The following CCNE2 variants were observed in gnomAD, a reference collection of about 807,000 sequenced individuals.
The protein encoded by CCNE2 is cyclin E2, also known as G1/S-specific cyclin-E2.
A neutral mutation model predicts 56.8 loss-of-function variants in CCNE2; 18 were observed. That is an observed-to-expected ratio of 0.32 (90% CI 0.22 to 0.47). The LOEUF (loss-of-function observed/expected upper bound fraction) is 0.47. Ranked by LOEUF, CCNE2 falls within the 20% of genes least tolerant of loss-of-function variation. The pLI is 1.00. For missense variants in CCNE2, 371 were observed against 467.1 expected, an observed-to-expected ratio of 0.79 and a Z score of 1.90; for synonymous variants, 139 against 149.2, an observed-to-expected ratio of 0.93 and a Z score of 0.50.
chr8:94,887,369 G>C (rs527665027), intron 7 of CCNE2, among the ~76,000 whole-genome samples: 1 of 152,236 alleles, frequency 6.6e-6, no homozygotes, highest in Admixed American at 6.5e-5. Context: ...GCTGGGCGTG[G>C]TGGCAAGCAC....
intron 1 of CCNE2, 135 bp from the exon 2 acceptor site, chr8:94,894,382 C>G: frequency 1.3e-6 from 1 of 760,258 alleles, no homozygotes; most frequent in Admixed American, 2.3e-5. Flanking sequence ...CTGCCATCTT[C>G]TGTGCTATGT....
intron 7 of CCNE2, among the ~76,000 whole-genome samples, chr8:94,887,549 A>G (rs1437850136): frequency 6.6e-6 from 1 of 152,196 alleles, no homozygotes; most frequent in Non-Finnish European, 1.5e-5. Context: ...ATTCTAACCC[A>G]ACACAGTATG....
chr8:94,885,117 T>G lies in CCNE2; in HGVS notation c.781A>C (p.Lys261Gln), dbSNP rs765474635. Residue 261 changes from lysine (K) to glutamine (Q), a missense_variant, in exon 9 of 12, where the codon AAA becomes CAA. Coordinates refer to ENST00000308108, the MANE Select transcript of CCNE2 (RefSeq NM_057749.3). ...TGAGAATACTGAGGTAGAAGAACTT[T>G]AGGAGCATCTTTAAGAGCATCAACT... The part of the protein sequence containing the change: ...LQVDALKDAP[K>Q]VLLPQYSQET... 1 of 1,613,398 alleles carries G rather than the reference T, an allele frequency of 6.2e-7. No homozygotes were observed. Among genetic ancestry groups the G allele is most frequent in the Admixed American group, 1.7e-5 (1 of 60,022 alleles).
intron 1 of CCNE2, 33 bp downstream of exon 1, chr8:94,895,144 C>T (rs1391985935): frequency 4.1e-6 from 4 of 982,956 alleles, no homozygotes; most frequent in African/African-American, 1.7e-5. Flanking sequence ...TTTCTTTCCT[C>T]CCACATCCCC....
At chr8:94,893,408 G>C (rs1586558230) in intron 4 of CCNE2, 1 of 160,446 alleles carries the variant, frequency 6.2e-6, no homozygotes, top group Non-Finnish European at 1.3e-5. Context: ...AAATGGAATC[G>C]ATTACTTAAA....
In CCNE2 at chr8:94,892,976, TA is replaced by T. The variant is rs753023177; in HGVS notation, c.166-8del. 1.6e-4 allele frequency: 247 copies of T among 1,506,044 alleles called. No individual in the cohort carries two copies. Among genetic ancestry groups the T allele is most frequent in the South Asian group, 2.5e-4 (18 of 73,134 alleles). The allele number at this position is 1,506,044 out of a possible 1,614,324, so 93.3% of individuals were successfully genotyped here. ...ATACAGGTGGCCAACAATTCTGTCATAAAAAAAAAGAAAAATATCAATTTGT... is the reference window on the plus strand; with the variant it reads ...ATACAGGTGGCCAACAATTCTGTCATAAAAAAAAGAAAAATATCAATTTGT... On this transcript the variant is annotated splice_region_variant and splice_polypyrimidine_tract_variant and intron_variant, in intron 4 of 11. Coordinates refer to ENST00000308108, the MANE Select transcript of CCNE2 (RefSeq NM_057749.3).
At chr8:94,888,859 CTT>C (rs981100528) in intron 6 of CCNE2, among the ~76,000 whole-genome samples, 1 of 152,098 alleles carries the variant, frequency 6.6e-6, no homozygotes, top group African/African-American at 2.4e-5. Flanking sequence ...AAGAAAATCT[CTT>C]TTGCTGGCCG....
chr8:94,880,428 T>C lies in CCNE2; in HGVS notation c.*1204A>G. On this transcript the variant is annotated 3_prime_UTR_variant, in exon 12 of 12. Transcript: ENST00000308108. ...ACCGTAACAATAAATGTATAGTTTC[T>C]TCAAAGGGAGAAGAGATTCACATAT... 1 of 366,962 alleles carries C rather than the reference T, an allele frequency of 2.7e-6. No individual in the cohort carries two copies. The highest frequency in any genetic ancestry group is 4.9e-6 in the Non-Finnish European group (1 of 205,982). 22.7% of individuals were successfully genotyped at this position (366,962 alleles called of 1,614,324 possible).
At chr8:94,889,596 T>C (rs1319020162) in intron 6 of CCNE2, among the ~76,000 whole-genome samples, 1 of 152,172 alleles carries the variant, frequency 6.6e-6, no homozygotes, top group African/African-American at 2.4e-5. Context: ...ATTTTAGTCT[T>C]AAAAACTGTT....
At chr8:94,886,957 G>A (rs143362022) in intron 7 of CCNE2, among the ~76,000 whole-genome samples, 1 of 152,222 alleles carries the variant, frequency 6.6e-6, no homozygotes, top group African/African-American at 2.4e-5. Flanking sequence ...CTGAACACAA[G>A]TTTATGTGCC....
chr8:94,894,351 G>A (rs1438341217), intron 1 of CCNE2, 104 bp from the exon 2 acceptor site: 81 of 1,127,414 alleles, frequency 7.2e-5, no homozygotes, highest in Non-Finnish European at 9.8e-5. Context: ...TCCCTCCGAA[G>A]GGGGCCTGGG....
In CCNE2 at chr8:94,885,727, CTT is replaced by C. The variant is rs747420459; in HGVS notation, c.601-171_601-170del. On this transcript the variant is annotated intron_variant, in intron 7 of 11. Coordinates refer to ENST00000308108, the MANE Select transcript of CCNE2 (RefSeq NM_057749.3). ...CAAAGACAAAAAGTACATTTTCTTT[CTT>C]TTTTTTTTTTTTTTTTTTTGAGGCA... Among the ~76,000 whole-genome samples, 154 of 114,130 alleles carry C rather than the reference CTT, an allele frequency of 1.3e-3. 1 individual carries two copies. Among genetic ancestry groups the C allele is most frequent in the African/African-American group, 4.5e-3 (138 of 30,444 alleles). The allele number at this position is 114,130 out of a possible 152,430, so 74.9% of individuals were successfully genotyped here. A position where few individuals can be genotyped will look rare whatever the true frequency, so the allele number is the denominator to read the frequency against.
intron 5 of CCNE2, chr8:94,891,484 C>T (rs1817238781): frequency 3.5e-6 from 1 of 288,388 alleles, no homozygotes; most frequent in Non-Finnish European, 6.7e-6. Context: ...CATGGTGAAA[C>T]CCCGTCTCCA....
chr8:94,884,697 C>G, intron 9 of CCNE2: 1 of 156,892 alleles, frequency 6.4e-6, no homozygotes, highest in South Asian at 2.0e-4. Context: ...AATTTTAATT[C>G]TGATATTTAA....
intron 7 of CCNE2, 142 bp downstream of exon 7, chr8:94,887,785 T>C: frequency 2.0e-6 from 1 of 500,266 alleles, no homozygotes; most frequent in Non-Finnish European, 3.5e-6. Flanking sequence ...CCTGTGGTAA[T>C]GTTCAGAAAA....
intron 6 of CCNE2, 145 bp downstream of exon 6, chr8:94,890,270 T>C: frequency 1.8e-6 from 1 of 570,848 alleles, no homozygotes; most frequent in Admixed American, 3.1e-5. Flanking sequence ...CCACTTTGGG[T>C]GCAATCAACT....
rs767223434 is a variant in CCNE2 at position 94,880,286 on chromosome 8, CAG to C, written c.*1344_*1345del. ...TTTTAAACAATGGGCTAAAAATAAA[CAG>C]TATTAAAAGGTTAAGTTTATATAAT... is the stretch of plus-strand genomic sequence containing the variant. On this transcript the variant is annotated 3_prime_UTR_variant, in exon 12 of 12. Transcript: ENST00000308108. The C allele has an allele frequency of 1.7e-5, 16 of 961,474 alleles. No individual in the cohort carries two copies. The highest frequency in any genetic ancestry group is 4.2e-4 in the Middle Eastern group (2 of 4,766). 59.6% of individuals were successfully genotyped at this position (961,474 alleles called of 1,614,324 possible).
At chr8:94,895,324 G>A (rs1481885528), upstream of CCNE2, 4 of 924,198 alleles carry the variant, frequency 4.3e-6, no homozygotes, top group Non-Finnish European at 5.2e-6. Flanking sequence ...GCGTGCCCGC[G>A]CGCCGCGCCC....
intron 5 of CCNE2, among the ~76,000 whole-genome samples, chr8:94,890,821 T>C (rs28399564): frequency 0.034 from 5,135 of 152,118 alleles, 91 homozygotes; most frequent in Non-Finnish European, 0.04. Context: ...CTCGAACTCC[T>C]GGCCTCAAGT....
Sources: allele counts gnomAD v4.1 joint callset (sites outside exome capture counted in the v4.1 genomes callset), GRCh38; gene constraint gnomAD v4.1.1; transcripts MANE v1.5; gene names NCBI Gene and HGNC (gene_info 2026-07-23, HGNC 2026-07-21).